SLC4A10: variants seen among roughly 807,000 people sequenced by gnomAD.
SLC4A10 encodes solute carrier family 4 member 10, also known as sodium-driven chloride bicarbonate exchanger.
SLC4A10 carries 42 observed loss-of-function variants against 137.7 expected under a neutral mutation model. The ratio of observed to expected loss-of-function variants is 0.30; its 90% confidence interval spans 0.24 to 0.39. SLC4A10 has a LOEUF of 0.39. Among genes scored for constraint, SLC4A10 ranks in the 10% least tolerant of loss-of-function variants. SLC4A10 has a pLI of 1.00. For missense variants in SLC4A10, 925 were observed against 1,355.0 expected (o/e 0.68, Z 4.98); for synonymous variants, 474 against 464.1 (o/e 1.02, Z -0.27).
At chr2:161,742,511 G>T (rs1002802344) in intron 1 of SLC4A10, among the ~76,000 whole-genome samples, 1 of 144,348 alleles carries the variant, frequency 6.9e-6, no homozygotes, top group Admixed American at 7.1e-5. Context: ...GCTGATTTCG[G>T]CTCACTGCAA....
intron 1 of SLC4A10, among the ~76,000 whole-genome samples, chr2:161,733,315 G>T (rs772033046): frequency 1.3e-5 from 2 of 152,144 alleles, no homozygotes; most frequent in Admixed American, 6.5e-5. Context: ...CATGCCCTGC[G>T]TTCCAGCCAC....
At chr2:161,976,254 C>G (rs762791572) in intron 24 of SLC4A10, among the ~76,000 whole-genome samples, 1 of 152,118 alleles carries the variant, frequency 6.6e-6, no homozygotes, top group Non-Finnish European at 1.5e-5. Context: ...CATACACATA[C>G]AATGGAACAT....
Position 161,983,406 on chromosome 2 carries a change from A to C in SLC4A10, c.*254A>C. On this transcript the variant is annotated 3_prime_UTR_variant, in exon 27 of 27. Transcript: ENST00000446997. ...TTTCATTTCTGTGTTTAAACTTCTG[A>C]GCAGTGAGACATCCCTGTGAGCAGA... is the stretch of plus-strand genomic sequence containing the variant. The C allele has an allele frequency of 3.2e-6, 2 of 630,034 alleles. No homozygotes were observed. Among genetic ancestry groups the C allele is most frequent in the Non-Finnish European group, 5.4e-6 (2 of 368,454 alleles). 39.0% of individuals were successfully genotyped at this position (630,034 alleles called of 1,614,324 possible). A position where few individuals can be genotyped will look rare whatever the true frequency, so the allele number is the denominator to read the frequency against.
chr2:161,676,372 G>C (rs1300805218), intron 1 of SLC4A10, among the ~76,000 whole-genome samples: 2 of 152,060 alleles, frequency 1.3e-5, no homozygotes, highest in Admixed American at 6.6e-5. Flanking sequence ...AAATAATCTG[G>C]TCATTTATTG....
At chr2:161,934,459 G>A (rs1281649867) in intron 15 of SLC4A10, among the ~76,000 whole-genome samples, 2 of 152,062 alleles carry the variant, frequency 1.3e-5, no homozygotes, top group African/African-American at 4.8e-5. Flanking sequence ...TTAATATAAC[G>A]ACCTTCACTT....
intron 1 of SLC4A10, among the ~76,000 whole-genome samples, chr2:161,693,447 C>T (rs1161566237): frequency 1.3e-5 from 2 of 152,088 alleles, no homozygotes; most frequent in African/African-American, 4.8e-5. Flanking sequence ...TTCCTAGAAA[C>T]CTGTGGGCCA....
chr2:161,953,702 TG>T lies in SLC4A10; in HGVS notation c.2541+2859del, dbSNP rs534408090. On this transcript the variant is annotated intron_variant, in intron 19 of 26. Transcript: ENST00000446997. Reference sequence around the variant, plus strand: ...TAGGTGACTTACTACTCCCGAAGAATGGGGGAGCTCAAAATCAGTAAACCTC... The same window carrying T: ...TAGGTGACTTACTACTCCCGAAGAATGGGGAGCTCAAAATCAGTAAACCTC... Among the ~76,000 whole-genome samples the T allele has an allele frequency of 4.9e-4, 75 of 152,236 alleles. 1 individual carries two copies. In the South Asian group the frequency reaches 9.3e-3, roughly 19 times the overall value.
intron 1 of SLC4A10, among the ~76,000 whole-genome samples, chr2:161,739,137 AG>A (rs201094737): frequency 0.011 from 1,682 of 152,202 alleles, 32 homozygotes; most frequent in African/African-American, 0.038. Context: ...TGATATGGGG[AG>A]GAAAGAAAAA....
chr2:161,777,908 G>T (rs1476930430), intron 2 of SLC4A10, among the ~76,000 whole-genome samples: 2 of 151,896 alleles, frequency 1.3e-5, no homozygotes, highest in African/African-American at 2.4e-5. Flanking sequence ...TTTGCATATG[G>T]TATAGGATGC....
intron 2 of SLC4A10, among the ~76,000 whole-genome samples, chr2:161,801,546 A>C (rs1434998994): frequency 6.6e-6 from 1 of 152,058 alleles, no homozygotes; most frequent in East Asian, 1.9e-4. Flanking sequence ...AGCTTTAACC[A>C]AAAAGGAATT....
At chr2:161,953,248 T>C (rs966258372) in intron 19 of SLC4A10, among the ~76,000 whole-genome samples, 8 of 152,200 alleles carry the variant, frequency 5.3e-5, no homozygotes, top group Non-Finnish European at 5.9e-5. Flanking sequence ...CTTTTTACTT[T>C]TTCTTCACCT....
At chr2:161,665,789 G>C (rs1053460144) in intron 1 of SLC4A10, among the ~76,000 whole-genome samples, 3 of 151,220 alleles carry the variant, frequency 2.0e-5, no homozygotes, top group African/African-American at 7.3e-5. Flanking sequence ...GGTAATCTTG[G>C]AGGTAGCTAA....
intron 12 of SLC4A10, among the ~76,000 whole-genome samples, chr2:161,902,365 T>C (rs2176136): frequency 0.51 from 77,428 of 151,992 alleles, 20,581 homozygotes; most frequent in East Asian, 0.85. Flanking sequence ...TTTTTGGGAT[T>C]AGGTGGGATA....
At chr2:161,772,203 C>G (rs2051707380) in intron 2 of SLC4A10, among the ~76,000 whole-genome samples, 1 of 151,748 alleles carries the variant, frequency 6.6e-6, no homozygotes. Flanking sequence ...GGAGCAAAAC[C>G]TTGAAAAATC....
At chr2:161,646,033 T>G (rs185017595) in intron 1 of SLC4A10, among the ~76,000 whole-genome samples, 2 of 152,202 alleles carry the variant, frequency 1.3e-5, no homozygotes, top group Non-Finnish European at 2.9e-5. Flanking sequence ...TGACAGAAGC[T>G]TAAATTTCCA....
intron 9 of SLC4A10, among the ~76,000 whole-genome samples, chr2:161,880,360 A>G (rs1385188523): frequency 1.3e-5 from 2 of 152,150 alleles, no homozygotes; most frequent in East Asian, 3.9e-4. Flanking sequence ...AGCAGATTAT[A>G]TAACTCCATG....
chr2:161,657,101 C>T (rs10930028), intron 1 of SLC4A10, among the ~76,000 whole-genome samples: 132,388 of 151,972 alleles, frequency 0.87, 58,283 homozygotes, highest in East Asian at 1. Flanking sequence ...ATAATAAACA[C>T]GACAAATTTG....
intron 5 of SLC4A10, among the ~76,000 whole-genome samples, chr2:161,857,814 A>G (rs1301237995): frequency 6.6e-6 from 1 of 152,228 alleles, no homozygotes; most frequent in Non-Finnish European, 1.5e-5. Context: ...CACCATAAAC[A>G]GATAAATAGA....
chr2:161,902,846 G>A (rs1331464278), intron 12 of SLC4A10, among the ~76,000 whole-genome samples: 2 of 151,956 alleles, frequency 1.3e-5, no homozygotes, highest in Non-Finnish European at 2.9e-5. Context: ...ATGATTCTAG[G>A]ACTGCCAAAT....
Sources: gnomAD v4.1 joint callset for allele counts (sites outside exome capture counted in the v4.1 genomes callset) on GRCh38, gnomAD v4.1.1 for gene constraint, MANE v1.5 for transcripts, NCBI Gene and HGNC (gene_info 2026-07-23, HGNC 2026-07-21) for gene names.